Variants in ELOVL6 observed in about 807,000 individuals in gnomAD.
ELOVL6 encodes the protein very long chain fatty acid elongase 6.
In ELOVL6, 8 loss-of-function variants were observed where a neutral mutation model predicts 31.7. The observed-to-expected ratio is 0.25, with a 90% CI of 0.15 to 0.45. The LOEUF is 0.45. ELOVL6 is among the 20% of genes least tolerant of loss of function. The pLI, the probability that ELOVL6 is intolerant of heterozygous loss-of-function variation, is 1.00. For missense variants in ELOVL6, 126 were observed against 326.4 expected (o/e 0.39, Z 4.73); for synonymous variants, 101 against 117.7 (o/e 0.86, Z 0.92).
At chr4:110,137,108 T>G (rs1472621032) in intron 1 of ELOVL6, among the ~76,000 whole-genome samples, 1 of 152,184 alleles carries the variant, frequency 6.6e-6, no homozygotes, top group Non-Finnish European at 1.5e-5. Context: ...AAAACTAGTT[T>G]CTTTGGTTTC....
intron 2 of ELOVL6, among the ~76,000 whole-genome samples, chr4:110,079,118 T>TA (rs1468797403): frequency 6.6e-6 from 1 of 152,190 alleles, no homozygotes; most frequent in African/African-American, 2.4e-5. Context: ...CAAAGAGACT[T>TA]AGACTCCCAC....
At chr4:110,152,774 G>A (rs1176247561) in intron 1 of ELOVL6, among the ~76,000 whole-genome samples, 1 of 152,242 alleles carries the variant, frequency 6.6e-6, no homozygotes, top group Non-Finnish European at 1.5e-5. Flanking sequence ...GTATGTGAGT[G>A]TGTGCGTACA....
intron 1 of ELOVL6, among the ~76,000 whole-genome samples, chr4:110,144,299 C>A (rs1758046298): frequency 6.6e-6 from 1 of 152,016 alleles, no homozygotes; most frequent in Non-Finnish European, 1.5e-5. Flanking sequence ...GGTACTTTTA[C>A]AAGAAATGGA....
At chr4:110,135,074 T>C (rs1450195387) in intron 1 of ELOVL6, among the ~76,000 whole-genome samples, 2 of 152,192 alleles carry the variant, frequency 1.3e-5, no homozygotes, top group African/African-American at 2.4e-5. Flanking sequence ...ACGTATAAAA[T>C]AGAACCTAGG....
At position 110,198,546 on chromosome 4, in the gene ELOVL6, TC is replaced by T; in HGVS notation, c.-212del. The T allele has an allele frequency of 2.0e-6, 1 of 506,934 alleles. No individual in the cohort carries two copies. The highest frequency in any genetic ancestry group is 3.5e-6 in the Non-Finnish European group (1 of 288,466). 31.4% of individuals were successfully genotyped at this position (506,934 alleles called of 1,614,324 possible). A position where few individuals can be genotyped will look rare whatever the true frequency, so the allele number is the denominator to read the frequency against. On this transcript the variant is annotated 5_prime_UTR_variant, in exon 1 of 4. It removes the in-frame stop codon of an upstream open reading frame in the 5' UTR. Coordinates refer to ENST00000302274, the MANE Select transcript of ELOVL6 (RefSeq NM_024090.3). ...CCTGCGCCTCCGCTCCCAGCTCCTC[TC>T]TCTGGGGCTCTCCTCCTCCCGGCGT...
chr4:110,160,740 A>C (rs1299301370), intron 1 of ELOVL6, among the ~76,000 whole-genome samples: 1 of 152,262 alleles, frequency 6.6e-6, no homozygotes, highest in African/African-American at 2.4e-5. Flanking sequence ...GGAAATTAAT[A>C]AATTCCTTCA....
At chr4:110,064,312 C>G (rs1755235556) in intron 2 of ELOVL6, among the ~76,000 whole-genome samples, 1 of 151,988 alleles carries the variant, frequency 6.6e-6, no homozygotes, top group African/African-American at 2.4e-5. Flanking sequence ...GATTCCTAAT[C>G]CACAAGGAGC....
chr4:110,083,617 G>T (rs1330114228), intron 2 of ELOVL6, among the ~76,000 whole-genome samples: 1 of 151,590 alleles, frequency 6.6e-6, no homozygotes, highest in Non-Finnish European at 1.5e-5. Context: ...AGCAGGTAAT[G>T]ACATGATTTG....
intron 2 of ELOVL6, among the ~76,000 whole-genome samples, chr4:110,067,204 T>C (rs1422111503): frequency 6.6e-6 from 1 of 152,234 alleles, no homozygotes; most frequent in African/African-American, 2.4e-5. Context: ...CACTTTTCCT[T>C]TGATTACTCT....
chr4:110,084,588 A>ATTTTTTT (rs1168880044), intron 2 of ELOVL6, among the ~76,000 whole-genome samples: 7 of 29,658 alleles, frequency 2.4e-4, no homozygotes, highest in African/African-American at 1.5e-3. Flanking sequence ...ATATATATAT[A>ATTTTTTT]TTTTTTTTTT....
chr4:110,191,524 C>A (rs1759622208), intron 1 of ELOVL6, among the ~76,000 whole-genome samples: 1 of 152,246 alleles, frequency 6.6e-6, no homozygotes. Context: ...CAGTTTGGCT[C>A]ACCTGTGTCC....
intron 1 of ELOVL6, among the ~76,000 whole-genome samples, chr4:110,183,963 CAG>C (rs1253610147): frequency 6.6e-6 from 1 of 152,114 alleles, no homozygotes; most frequent in African/African-American, 2.4e-5. Flanking sequence ...GCCTAGGCAA[CAG>C]AGTGAGACCC....
intron 2 of ELOVL6, chr4:110,093,281 G>A: frequency 3.6e-6 from 1 of 277,798 alleles, no homozygotes; most frequent in Non-Finnish European, 7.2e-6. Context: ...AAATATCTGT[G>A]AGAACTGGGA....
At chr4:110,094,404 AATATATATATATATAT>A (rs1167924305) in intron 2 of ELOVL6, among the ~76,000 whole-genome samples, 1 of 55,590 alleles carries the variant, frequency 1.8e-5, no homozygotes, top group African/African-American at 8.6e-5. Flanking sequence ...CTTAAAAAGA[AATATATATATATATAT>A]ATATATATAT....
At chr4:110,084,103 A>ATATATATGATATATAACATATATGC (rs1756037105) in intron 2 of ELOVL6, among the ~76,000 whole-genome samples, 1 of 84,576 alleles carries the variant, frequency 1.2e-5, no homozygotes, top group Non-Finnish European at 2.2e-5. Context: ...CATATATATG[A>ATATATATGATATATAACATATATGC]TATATATGAT....
chr4:110,071,463 G>A (rs1393505426), intron 2 of ELOVL6, among the ~76,000 whole-genome samples: 1 of 152,178 alleles, frequency 6.6e-6, no homozygotes, highest in East Asian at 1.9e-4. Context: ...GAGCAAGTAT[G>A]TGTATGCTCT....
At chr4:110,129,107 A>C (rs1418702358) in intron 1 of ELOVL6, among the ~76,000 whole-genome samples, 2 of 152,234 alleles carry the variant, frequency 1.3e-5, no homozygotes, top group African/African-American at 4.8e-5. Flanking sequence ...ATTATGTATA[A>C]ATCTTTTTTT....
chr4:110,094,446 AT>A (rs1756520537), intron 2 of ELOVL6, among the ~76,000 whole-genome samples: 1 of 13,600 alleles, frequency 7.4e-5, no homozygotes, highest in African/African-American at 2.0e-4. Context: ...TATATATAAT[AT>A]ATATAACATA....
intron 1 of ELOVL6, among the ~76,000 whole-genome samples, chr4:110,116,703 C>T (rs909398816): frequency 2.6e-5 from 4 of 152,204 alleles, no homozygotes; most frequent in African/African-American, 7.2e-5. Context: ...TCTTAAAATA[C>T]GTACTACAGG....
Sources: gnomAD v4.1 joint callset for allele counts (sites outside exome capture counted in the v4.1 genomes callset) on GRCh38, gnomAD v4.1.1 for gene constraint, MANE v1.5 for transcripts, NCBI Gene and HGNC (gene_info 2026-07-23, HGNC 2026-07-21) for gene names.